Variants in AK4 observed in about 807,000 individuals in gnomAD.
AK4 encodes adenylate kinase 4.
In AK4, 13 loss-of-function variants were observed where a neutral mutation model predicts 24.6. The ratio of observed to expected loss-of-function variants is 0.53; its 90% confidence interval spans 0.34 to 0.84. The LOEUF (loss-of-function observed/expected upper bound fraction) is 0.84, where lower values mean the gene tolerates loss of function less well. Among genes scored for constraint, AK4 ranks in the 40% least tolerant of loss-of-function variants. The probability of loss-of-function intolerance (pLI) is 0.01; values close to 1 mark genes in which losing one functional copy is unlikely to be tolerated. For missense variants in AK4, 192 were observed against 288.2 expected (o/e 0.67, Z 2.42); for synonymous variants, 88 against 107.0 (o/e 0.82, Z 1.10).
At chr1:65,166,433 TTC>T (rs1025983698) in intron 1 of AK4, among the ~76,000 whole-genome samples, 22 of 152,226 alleles carry the variant, frequency 1.4e-4, no homozygotes, top group Admixed American at 3.9e-4. Context: ...TCCCTTGGAC[TTC>T]TCTTGTGTTC....
chr1:65,222,874 A>G (rs1358479920), intron 3 of AK4, among the ~76,000 whole-genome samples: 1 of 152,156 alleles, frequency 6.6e-6, no homozygotes, highest in Non-Finnish European at 1.5e-5. Context: ...ATTTCTTGTG[A>G]CTATCTCCCC....
intron 1 of AK4, among the ~76,000 whole-genome samples, chr1:65,189,044 C>T (rs1651201717): frequency 6.6e-6 from 1 of 151,946 alleles, no homozygotes. Context: ...AGCGATTCTC[C>T]TGTCTCAGCC....
rs1652609627 is a variant in AK4, at chr1:65,230,512, C to G, written c.*4335C>G. ...GGCACTAGGTACTGTCTGTTTACTT[C>G]ATGTTAGGCACATTACATGCATTGG... On this transcript the variant is annotated 3_prime_UTR_variant, in exon 5 of 5. Transcript: ENST00000327299. 1 of 152,156 alleles carries G rather than the reference C, an allele frequency of 6.6e-6. No homozygotes were observed. The highest frequency in any genetic ancestry group is 1.5e-5 in the Non-Finnish European group (1 of 68,032). 9.4% of individuals were successfully genotyped at this position (152,156 alleles called of 1,614,324 possible).
intron 2 of AK4, among the ~76,000 whole-genome samples, chr1:65,192,800 T>G (rs938193645): frequency 1.3e-5 from 2 of 152,168 alleles, no homozygotes; most frequent in Admixed American, 1.3e-4. Flanking sequence ...GGGCAGGTGG[T>G]CACCGATAAG....
chr1:65,215,300 T>TACAGGCGCCTGATTAC (rs1553127401), intron 2 of AK4, among the ~76,000 whole-genome samples: 1 of 152,110 alleles, frequency 6.6e-6, no homozygotes, highest in Non-Finnish European at 1.5e-5. Flanking sequence ...GCCTCCTGAT[T>TACAGGCGCCTGATTAC]AGCTGGGATT....
chr1:65,174,979 A>G (rs370800362), intron 1 of AK4, among the ~76,000 whole-genome samples: 34 of 152,312 alleles, frequency 2.2e-4, no homozygotes, highest in South Asian at 1.2e-3. Context: ...GCTCCATGGT[A>G]GGAATTAGCT....
intron 1 of AK4, among the ~76,000 whole-genome samples, chr1:65,167,000 C>A (rs1417444178): frequency 1.3e-5 from 2 of 152,148 alleles, no homozygotes; most frequent in Non-Finnish European, 2.9e-5. Context: ...GGTGTGGTGG[C>A]TTGTGCCTGT....
chr1:65,153,025 T>G (rs544972545), intron 1 of AK4, among the ~76,000 whole-genome samples: 58 of 152,270 alleles, frequency 3.8e-4, no homozygotes, highest in African/African-American at 1.3e-3. Context: ...TCTATTCCAT[T>G]TCCCCCCCTA....
rs1365780638 is a variant in AK4 at position 65,226,091 on chromosome 1, G to A, written c.586G>A (p.Gly196Arg). 13 of 1,611,604 alleles carry A rather than the reference G, an allele frequency of 8.1e-6. No homozygotes were observed. Among genetic ancestry groups the A allele is most frequent in the Admixed American group, 1.7e-5 (1 of 59,952 alleles). Residue 196 changes from glycine (G) to arginine (R), a missense_variant, in exon 5 of 5, where the codon GGA becomes AGA. Transcript: ENST00000327299. ...CCGAGGAGTGCTCCACCAATTTTCC[G>A]GAACGGAGACGAACAAAATCTGGCC... ...KSRGVLHQFS[G>R]TETNKIWPYV...
chr1:65,211,647 A>C (rs1218482830), intron 2 of AK4, among the ~76,000 whole-genome samples: 1 of 152,232 alleles, frequency 6.6e-6, no homozygotes, highest in East Asian at 1.9e-4. Context: ...TGACAGAATT[A>C]TTGTTACTTT....
At chr1:65,160,277 G>C (rs1254668291) in intron 1 of AK4, among the ~76,000 whole-genome samples, 4 of 152,130 alleles carry the variant, frequency 2.6e-5, no homozygotes, top group African/African-American at 9.7e-5. Context: ...TGTTCTGGAG[G>C]CTGGGAATTC....
chr1:65,154,808 G>A (rs1649922478), intron 1 of AK4, among the ~76,000 whole-genome samples: 1 of 151,832 alleles, frequency 6.6e-6, no homozygotes, highest in Non-Finnish European at 1.5e-5. Context: ...TAGGTTTCTA[G>A]GAATGAAACT....
chr1:65,184,317 T>G (rs563022573), intron 1 of AK4, among the ~76,000 whole-genome samples: 1 of 152,334 alleles, frequency 6.6e-6, no homozygotes, highest in Admixed American at 6.5e-5. Context: ...TATATAATGT[T>G]TGGAATCTGA....
intron 3 of AK4, among the ~76,000 whole-genome samples, chr1:65,221,804 G>T (rs909145327): frequency 1.3e-5 from 2 of 152,190 alleles, no homozygotes; most frequent in African/African-American, 4.8e-5. Flanking sequence ...TTCCCTCAAA[G>T]AACATCTGCA....
At chr1:65,181,496 A>G (rs962309783) in intron 1 of AK4, among the ~76,000 whole-genome samples, 3 of 151,488 alleles carry the variant, frequency 2.0e-5, no homozygotes, top group African/African-American at 7.3e-5. Flanking sequence ...TCCCAGGTTC[A>G]AGGCCTCAGC....
rs190219036 is a variant in AK4, at chr1:65,156,273, T to A, written c.145+7721T>A. On this transcript the variant is annotated intron_variant, in intron 1 of 4. Coordinates refer to ENST00000327299, the MANE Select transcript of AK4 (RefSeq NM_013410.4). Reference sequence around the variant, plus strand: ...TCCCCAGTTTCTCTCCACAGGGGTATCTGCTTTTAACTTTTTTTGGATGTG... The same window carrying A: ...TCCCCAGTTTCTCTCCACAGGGGTAACTGCTTTTAACTTTTTTTGGATGTG... Among the ~76,000 whole-genome samples, 207 of 152,336 alleles carry A rather than the reference T, an allele frequency of 1.4e-3. 1 individual carries two copies. Among genetic ancestry groups the A allele is most frequent in the African/African-American group, 4.9e-3 (202 of 41,584 alleles).
In AK4 at chr1:65,154,619, C is replaced by T. The variant is rs188214721; in HGVS notation, c.145+6067C>T. 372 of 497,154 alleles carry T rather than the reference C, an allele frequency of 7.5e-4. 1 individual carries two copies. Among genetic ancestry groups the T allele is most frequent in the South Asian group, 1.2e-3 (82 of 68,926 alleles). The allele number at this position is 497,154 out of a possible 1,614,324, so 30.8% of individuals were successfully genotyped here. A position where few individuals can be genotyped will look rare whatever the true frequency, so the allele number is the denominator to read the frequency against. ...TGCTGCCAGTGTTTCCGTCAGTACG[C>T]GAACGATATCAGTTTTATTAAGTTG... is the stretch of plus-strand genomic sequence containing the variant. On this transcript the variant is annotated intron_variant, in intron 1 of 4. Transcript: ENST00000327299.
At chr1:65,204,523 G>A (rs908603645) in intron 2 of AK4, among the ~76,000 whole-genome samples, 1 of 152,118 alleles carries the variant, frequency 6.6e-6, no homozygotes, top group African/African-American at 2.4e-5. Context: ...AAATTTAACA[G>A]TAACAAAACT....
intron 2 of AK4, among the ~76,000 whole-genome samples, chr1:65,192,945 T>C (rs1651354536): frequency 6.6e-6 from 1 of 152,166 alleles, no homozygotes; most frequent in African/African-American, 2.4e-5. Context: ...CTCTGTGGCT[T>C]TGCTGGGTTC....
Sources: gnomAD v4.1 joint callset for allele counts (sites outside exome capture counted in the v4.1 genomes callset) on GRCh38, gnomAD v4.1.1 for gene constraint, MANE v1.5 for transcripts, NCBI Gene and HGNC (gene_info 2026-07-23, HGNC 2026-07-21) for gene names.